The following RPS6KC1 variants were observed in gnomAD, a reference collection of about 807,000 sequenced individuals.
RPS6KC1 encodes the protein inactive ribosomal protein S6 kinase delta-1.
In RPS6KC1, 54 loss-of-function variants were observed where a neutral mutation model predicts 103.8. The ratio of observed to expected loss-of-function variants is 0.52; its 90% CI spans 0.42 to 0.65. RPS6KC1 has a LOEUF of 0.65. Among genes scored for constraint, RPS6KC1 ranks in the 30% least tolerant of loss-of-function variants. The pLI, the probability that RPS6KC1 is intolerant of heterozygous loss-of-function variation, is 0.00. For synonymous variants in RPS6KC1, 439 were observed against 438.7 expected (o/e 1.00, Z -0.01); for missense variants, 1,151 against 1,253.8 (o/e 0.92, Z 1.24).
intron 5 of RPS6KC1, among the ~76,000 whole-genome samples, chr1:213,125,542 C>T (rs563722548): frequency 6.6e-6 from 1 of 151,760 alleles, no homozygotes; most frequent in South Asian, 2.1e-4. Context: ...GGCAAATTGT[C>T]CTCTAAAAAG....
the RPS6KC1 span, among the ~76,000 whole-genome samples, chr1:213,288,543 G>T: frequency 1.3e-5 from 2 of 152,148 alleles, no homozygotes; most frequent in Admixed American, 6.5e-5. Context: ...AACATTCCTT[G>T]CTTGCTTCCA....
the RPS6KC1 span, among the ~76,000 whole-genome samples, chr1:213,469,874 G>C: frequency 6.6e-6 from 1 of 152,144 alleles, no homozygotes; most frequent in African/African-American, 2.4e-5. Context: ...TTAAAAATTA[G>C]ACGAGTGTGG....
chr1:213,499,619 G>A, the RPS6KC1 span, among the ~76,000 whole-genome samples: 24 of 152,186 alleles, frequency 1.6e-4, no homozygotes, highest in Admixed American at 1.4e-3. Flanking sequence ...TGGCTCGCTT[G>A]CTGCTCACCT....
At chr1:213,424,726 C>T in the RPS6KC1 span, among the ~76,000 whole-genome samples, 1 of 152,242 alleles carries the variant, frequency 6.6e-6, no homozygotes, top group African/African-American at 2.4e-5. Flanking sequence ...GGGCATTTTG[C>T]AGGCAATGGT....
the RPS6KC1 span, among the ~76,000 whole-genome samples, chr1:213,626,984 G>A: frequency 2.0e-5 from 3 of 152,192 alleles, no homozygotes; most frequent in Non-Finnish European, 4.4e-5. Context: ...TAGCTTGATA[G>A]GGATAGCATT....
the RPS6KC1 span, among the ~76,000 whole-genome samples, chr1:213,671,396 A>T: frequency 4.4e-4 from 67 of 152,194 alleles, no homozygotes; most frequent in Non-Finnish European, 7.4e-4. Context: ...GAACGGGGAG[A>T]TGTTGGTCAG....
At chr1:213,826,532 G>A in the RPS6KC1 span, among the ~76,000 whole-genome samples, 2 of 152,088 alleles carry the variant, frequency 1.3e-5, no homozygotes, top group Non-Finnish European at 2.9e-5. Flanking sequence ...ATAATTTGTG[G>A]GGTCCAGTGC....
chr1:213,813,795 C>T, the RPS6KC1 span, among the ~76,000 whole-genome samples: 1 of 152,092 alleles, frequency 6.6e-6, no homozygotes, highest in Admixed American at 6.5e-5. Flanking sequence ...AGGGGGGCTG[C>T]CAACAGCAAG....
intron 8 of RPS6KC1, among the ~76,000 whole-genome samples, chr1:213,215,308 T>C (rs1033802009): frequency 4.0e-5 from 6 of 151,850 alleles, no homozygotes; most frequent in African/African-American, 1.5e-4. Flanking sequence ...TGAAATGAAG[T>C]GAGAAGAGAA....
the RPS6KC1 span, among the ~76,000 whole-genome samples, chr1:213,283,359 A>G: frequency 1.3e-5 from 2 of 152,222 alleles, no homozygotes; most frequent in Non-Finnish European, 2.9e-5. Context: ...TGGATAGCAA[A>G]ATAAATTCGT....
intron 8 of RPS6KC1, among the ~76,000 whole-genome samples, chr1:213,177,392 A>G (rs1044481012): frequency 6.6e-6 from 1 of 152,212 alleles, no homozygotes; most frequent in Non-Finnish European, 1.5e-5. Flanking sequence ...CTTAATGTTC[A>G]TTTTTAACTT....
At chr1:213,284,139 A>C in the RPS6KC1 span, among the ~76,000 whole-genome samples, 1 of 152,236 alleles carries the variant, frequency 6.6e-6, no homozygotes, top group Non-Finnish European at 1.5e-5. Context: ...AAAATTAGAA[A>C]GCTCAGAAAT....
chr1:213,586,569 A>G, the RPS6KC1 span, among the ~76,000 whole-genome samples: 1 of 152,262 alleles, frequency 6.6e-6, no homozygotes, highest in Admixed American at 6.5e-5. Flanking sequence ...TTTTTAGCTG[A>G]TACTTTACAT....
At chr1:213,588,722 C>T in the RPS6KC1 span, among the ~76,000 whole-genome samples, 3 of 152,074 alleles carry the variant, frequency 2.0e-5, no homozygotes, top group African/African-American at 7.2e-5. Context: ...GCGTCATCCT[C>T]CTGGGCTCTA....
the RPS6KC1 span, among the ~76,000 whole-genome samples, chr1:213,296,276 A>G: frequency 1.3e-5 from 2 of 152,340 alleles, no homozygotes; most frequent in East Asian, 3.9e-4. Flanking sequence ...AATCTCGACA[A>G]TACACACCCA....
chr1:213,326,000 G>T, the RPS6KC1 span, among the ~76,000 whole-genome samples: 5 of 152,084 alleles, frequency 3.3e-5, no homozygotes, highest in African/African-American at 1.2e-4. Context: ...CCACCCCTCA[G>T]CTCCCTCTTC....
chr1:213,133,595 A>G (rs1446331732), intron 6 of RPS6KC1, among the ~76,000 whole-genome samples: 2 of 152,154 alleles, frequency 1.3e-5, no homozygotes, highest in African/African-American at 4.8e-5. Flanking sequence ...GAGCATTGTT[A>G]GTAACACCCA....
chr1:213,082,318 C>T (rs1467460505), intron 3 of RPS6KC1, among the ~76,000 whole-genome samples: 2 of 152,110 alleles, frequency 1.3e-5, no homozygotes, highest in African/African-American at 4.8e-5. Context: ...GTAGTCCCAA[C>T]TACTCAGGCG....
chr1:213,156,999 A>G (rs563939288), intron 6 of RPS6KC1, among the ~76,000 whole-genome samples: 2 of 152,234 alleles, frequency 1.3e-5, no homozygotes, highest in South Asian at 2.1e-4. Flanking sequence ...GTAAAAGCTT[A>G]GGTTATCAAT....
Sources: gnomAD v4.1 joint callset for allele counts (sites outside exome capture counted in the v4.1 genomes callset) on GRCh38, gnomAD v4.1.1 for gene constraint, MANE v1.5 for transcripts, NCBI Gene and HGNC (gene_info 2026-07-23, HGNC 2026-07-21) for gene names.